Variants in MAP2 observed in about 807,000 individuals in gnomAD.
The protein encoded by MAP2 is microtubule-associated protein 2.
MAP2 carries 14 observed loss-of-function variants against 137.6 expected under a neutral mutation model. The ratio of observed to expected loss-of-function variants is 0.10; its 90% CI spans 0.07 to 0.16. MAP2 has a LOEUF of 0.16. MAP2 is among the 10% of genes least tolerant of loss of function. The probability of loss-of-function intolerance (pLI) is 1.00; values close to 1 mark genes in which losing one functional copy is unlikely to be tolerated. For synonymous variants in MAP2, 786 were observed against 782.3 expected (o/e 1.00, Z -0.08); for missense variants, 2,088 against 2,191.5 (o/e 0.95, Z 0.94).
chr2:209,696,271 A>G lies in MAP2; in HGVS notation c.4101A>G (p.Glu1367=), dbSNP rs113557467. The part of the protein sequence containing the change: ...EEVALSEYKT[E]TYDDYKDETT... The stretch of plus-strand genomic sequence containing the variant: ...TTGCACTTTCTGAATATAAGACAGA[A>G]ACCTATGACGATTACAAAGATGAGA... The change falls in exon 8 of 16, where the codon GAA becomes GAG. Residue 1367 remains glutamate, a synonymous_variant. Coordinates refer to ENST00000682079, the MANE Select transcript of MAP2 (RefSeq NM_001375505.1). The G allele has an allele frequency of 1.3e-5, 21 of 1,608,838 alleles. No individual in the cohort carries two copies. In the African/African-American group the frequency reaches 1.9e-4, roughly 14 times the overall value.
intron 1 of MAP2, among the ~76,000 whole-genome samples, chr2:209,456,413 A>G (rs1014343589): frequency 1.1e-4 from 16 of 152,218 alleles, no homozygotes; most frequent in African/African-American, 3.9e-4. Context: ...GGTATAATGA[A>G]GAACCATCAT....
chr2:209,731,565 A>G lies in MAP2; in HGVS notation c.*1168A>G, dbSNP rs868345991. The G allele has an allele frequency of 6.6e-6, 1 of 152,650 alleles. No homozygotes were observed. Among genetic ancestry groups the G allele is most frequent in the South Asian group, 2.1e-4 (1 of 4,826 alleles). 9.5% of individuals were successfully genotyped at this position (152,650 alleles called of 1,614,324 possible). On this transcript the variant is annotated 3_prime_UTR_variant, in exon 16 of 16. Transcript: ENST00000682079. ...GATTTATCTCATTTTTAATCACAGG[A>G]TAGTTTGGGGTTTATTCCTATTATT...
At chr2:209,456,090 C>T (rs577328253) in intron 1 of MAP2, among the ~76,000 whole-genome samples, 2 of 152,284 alleles carry the variant, frequency 1.3e-5, no homozygotes, top group Admixed American at 1.3e-4. Context: ...CACTCATACT[C>T]CCTGGCATCT....
intron 4 of MAP2, among the ~76,000 whole-genome samples, chr2:209,652,371 TC>T (rs1276568542): frequency 6.6e-6 from 1 of 152,224 alleles, no homozygotes; most frequent in Non-Finnish European, 1.5e-5. Flanking sequence ...TTATTTCCTT[TC>T]TCTCTGTAAG....
chr2:209,636,846 C>A (rs2093613807), intron 4 of MAP2, among the ~76,000 whole-genome samples: 1 of 151,984 alleles, frequency 6.6e-6, no homozygotes, highest in African/African-American at 2.4e-5. Context: ...ACATGGAAAT[C>A]ACACAGAAAA....
At chr2:209,617,864 A>G (rs1240998252) in intron 3 of MAP2, among the ~76,000 whole-genome samples, 1 of 152,126 alleles carries the variant, frequency 6.6e-6, no homozygotes, top group Non-Finnish European at 1.5e-5. Context: ...TTTGAAATCT[A>G]TTGTGTACGT....
intron 2 of MAP2, among the ~76,000 whole-genome samples, chr2:209,551,350 A>G (rs2069131258): frequency 6.6e-6 from 1 of 152,144 alleles, no homozygotes; most frequent in Non-Finnish European, 1.5e-5. Flanking sequence ...TTCATCTATC[A>G]ATTTCCATTT....
intron 1 of MAP2, among the ~76,000 whole-genome samples, chr2:209,460,810 A>G (rs1702599513): frequency 6.6e-6 from 1 of 152,046 alleles, no homozygotes; most frequent in Non-Finnish European, 1.5e-5. Context: ...GTACAGTGGC[A>G]TAATCTTGGC....
At chr2:209,676,674 A>T (rs2051675002) in intron 5 of MAP2, among the ~76,000 whole-genome samples, 1 of 142,672 alleles carries the variant, frequency 7.0e-6, no homozygotes, top group African/African-American at 2.6e-5. Context: ...CAGTTTGCAT[A>T]CGTGCTAATA....
intron 7 of MAP2, among the ~76,000 whole-genome samples, chr2:209,686,487 C>G (rs2057049158): frequency 6.6e-6 from 1 of 152,170 alleles, no homozygotes; most frequent in South Asian, 2.1e-4. Context: ...AAAAACTGTA[C>G]AGATAGATAC....
intron 3 of MAP2, among the ~76,000 whole-genome samples, chr2:209,590,335 A>T (rs1388236887): frequency 6.6e-6 from 1 of 152,076 alleles, no homozygotes. Flanking sequence ...TTAAATTCAA[A>T]TTAAGAATTT....
intron 13 of MAP2, among the ~76,000 whole-genome samples, chr2:209,712,062 A>C (rs1291148223): frequency 1.3e-5 from 2 of 152,126 alleles, no homozygotes; most frequent in Non-Finnish European, 2.9e-5. Flanking sequence ...GAAATTTTAT[A>C]ATATATGATT....
intron 2 of MAP2, among the ~76,000 whole-genome samples, chr2:209,575,322 C>A (rs892670694): frequency 6.6e-6 from 1 of 151,816 alleles, no homozygotes; most frequent in East Asian, 1.9e-4. Flanking sequence ...AAGATCGAGA[C>A]CATCCTGGCT....
intron 1 of MAP2, among the ~76,000 whole-genome samples, chr2:209,470,876 G>A (rs541242645): frequency 6.6e-5 from 10 of 152,214 alleles, no homozygotes; most frequent in Admixed American, 2.6e-4. Context: ...ACACAAACAC[G>A]GTCTTGCTTT....
At chr2:209,505,950 T>C (rs2060996523) in intron 1 of MAP2, among the ~76,000 whole-genome samples, 1 of 151,862 alleles carries the variant, frequency 6.6e-6, no homozygotes, top group African/African-American at 2.4e-5. Flanking sequence ...CCCGACTAGG[T>C]GACAGAGTGA....
At chr2:209,660,723 A>ATTATTG (rs2043142616) in intron 5 of MAP2, among the ~76,000 whole-genome samples, 1 of 129,980 alleles carries the variant, frequency 7.7e-6, no homozygotes, top group African/African-American at 2.9e-5. Flanking sequence ...TATTATTATT[A>ATTATTG]TTATTATTAT....
intron 3 of MAP2, among the ~76,000 whole-genome samples, chr2:209,590,306 A>G (rs945576605): frequency 1.3e-5 from 2 of 152,166 alleles, no homozygotes; most frequent in African/African-American, 4.8e-5. Context: ...TACGGTAGCC[A>G]CTAGCCACAT....
intron 2 of MAP2, among the ~76,000 whole-genome samples, chr2:209,515,658 T>A (rs759089275): frequency 1.3e-5 from 2 of 152,204 alleles, no homozygotes; most frequent in Admixed American, 6.5e-5. Context: ...AGATTAAAAT[T>A]TGAGGTAAGA....
At position 209,556,453 on chromosome 2, in the gene MAP2, G is replaced by A. The variant is rs181917912; in HGVS notation, c.-171-23583G>A. ...TCAGTTTCATTATCTCTGAAGTGGA[G>A]ACAATACTAGGATCTGCATCCTAAA... On this transcript the variant is annotated intron_variant, in intron 2 of 15. Coordinates refer to ENST00000682079, the MANE Select transcript of MAP2 (RefSeq NM_001375505.1). 9.2e-5 allele frequency among the ~76,000 whole-genome samples: 14 copies of A among 152,212 alleles called. 1 individual carries two copies. Among genetic ancestry groups the A allele is most frequent in the African/African-American group, 3.4e-4 (14 of 41,536 alleles).
Sources: gnomAD v4.1 joint callset for allele counts (sites outside exome capture counted in the v4.1 genomes callset) on GRCh38, gnomAD v4.1.1 for gene constraint, MANE v1.5 for transcripts, NCBI Gene and HGNC (gene_info 2026-07-23, HGNC 2026-07-21) for gene names.